Variants in KCNH5 observed in about 807,000 individuals in gnomAD.
The protein encoded by KCNH5 is voltage-gated delayed rectifier potassium channel KCNH5.
In KCNH5, 46 loss-of-function variants were observed where a neutral mutation model predicts 96.1. The ratio of observed to expected loss-of-function variants is 0.48; its 90% CI spans 0.38 to 0.61. The LOEUF is 0.61. Among genes scored for constraint, KCNH5 ranks in the 20% least tolerant of loss-of-function variants. KCNH5 has a pLI of 0.00. For synonymous variants in KCNH5, 439 were observed against 449.8 expected, an observed-to-expected ratio of 0.98 and a Z score of 0.30; for missense variants, 907 against 1,225.8, an observed-to-expected ratio of 0.74 and a Z score of 3.88.
chr14:62,929,283 C>T (rs1453224588), intron 7 of KCNH5, among the ~76,000 whole-genome samples: 1 of 152,066 alleles, frequency 6.6e-6, no homozygotes, highest in Non-Finnish European at 1.5e-5. Flanking sequence ...CTTCCTGCCA[C>T]CTCCATTGTT....
intron 6 of KCNH5, among the ~76,000 whole-genome samples, chr14:62,959,610 T>C (rs145278763): frequency 6.6e-6 from 1 of 152,040 alleles, no homozygotes; most frequent in African/African-American, 2.4e-5. Context: ...TCTTATAGAG[T>C]TTCCTAAATT....
intron 9 of KCNH5, among the ~76,000 whole-genome samples, chr14:62,800,543 T>C (rs1595628239): frequency 6.6e-6 from 1 of 152,290 alleles, no homozygotes; most frequent in African/African-American, 2.4e-5. Flanking sequence ...CAAATAATAA[T>C]GAGTCTACAG....
At chr14:62,778,305 A>G (rs1886140264) in intron 10 of KCNH5, among the ~76,000 whole-genome samples, 1 of 151,384 alleles carries the variant, frequency 6.6e-6, no homozygotes, top group Admixed American at 6.6e-5. Flanking sequence ...CACAAGTTTC[A>G]AATAACACAA....
At chr14:62,781,138 G>T (rs981557417) in intron 9 of KCNH5, among the ~76,000 whole-genome samples, 3 of 152,182 alleles carry the variant, frequency 2.0e-5, no homozygotes, top group South Asian at 2.1e-4. Flanking sequence ...TTTAAAGCTG[G>T]GCGTCCAGGG....
intron 10 of KCNH5, among the ~76,000 whole-genome samples, chr14:62,750,609 G>A (rs1251387850): frequency 6.6e-6 from 1 of 152,056 alleles, no homozygotes; most frequent in Non-Finnish European, 1.5e-5. Flanking sequence ...CTACTTCCTT[G>A]GGCAGCAAAA....
intron 7 of KCNH5, among the ~76,000 whole-genome samples, chr14:62,947,328 A>G (rs771173624): frequency 6.6e-5 from 10 of 152,180 alleles, no homozygotes; most frequent in Non-Finnish European, 1.3e-4. Flanking sequence ...CATACATCTT[A>G]CCACTTTGTA....
chr14:62,791,283 T>C (rs1205734249), intron 9 of KCNH5, among the ~76,000 whole-genome samples: 4 of 151,592 alleles, frequency 2.6e-5, no homozygotes, highest in Non-Finnish European at 4.4e-5. Flanking sequence ...AAATCTCTAG[T>C]ATGAAGGTTA....
chr14:63,008,447 A>G (rs891488028), intron 2 of KCNH5, among the ~76,000 whole-genome samples: 8 of 152,094 alleles, frequency 5.3e-5, no homozygotes, highest in African/African-American at 1.7e-4. Flanking sequence ...TAGCAGCACC[A>G]CATTACAACC....
chr14:62,930,717 G>A (rs897214737), intron 7 of KCNH5, among the ~76,000 whole-genome samples: 1 of 152,072 alleles, frequency 6.6e-6, no homozygotes. Flanking sequence ...AAATCTAATA[G>A]AACAGGAATT....
rs888150538 is a variant in KCNH5, at chr14:62,932,157, A to G, written c.1369+17976T>C. The stretch of plus-strand genomic sequence containing the variant: ...ACAGCCAGGATTCCGAGGCATCTGC[A>G]TAAAGCCTCCACCATGAGAAGCAGA... On this transcript the variant is annotated intron_variant, in intron 7 of 10. Coordinates refer to ENST00000322893, the MANE Select transcript of KCNH5 (RefSeq NM_139318.5). Among the ~76,000 whole-genome samples, 92 of 152,330 alleles carry G rather than the reference A, an allele frequency of 6.0e-4. 1 individual carries two copies. Among genetic ancestry groups the G allele is most frequent in the African/African-American group, 2.1e-3 (88 of 41,588 alleles).
intron 10 of KCNH5, among the ~76,000 whole-genome samples, chr14:62,747,055 C>T (rs1043426911): frequency 7.2e-5 from 11 of 152,222 alleles, no homozygotes; most frequent in Admixed American, 5.2e-4. Flanking sequence ...AAACTCAGGC[C>T]GGACGCGGCG....
At chr14:62,984,727 C>T (rs983279363) in intron 5 of KCNH5, among the ~76,000 whole-genome samples, 1 of 151,202 alleles carries the variant, frequency 6.6e-6, no homozygotes, top group African/African-American at 2.4e-5. Flanking sequence ...TAAGGGATGA[C>T]TGGTAAAGAA....
intron 7 of KCNH5, among the ~76,000 whole-genome samples, chr14:62,898,628 T>G (rs1467493972): frequency 6.6e-6 from 1 of 152,046 alleles, no homozygotes; most frequent in East Asian, 1.9e-4. Flanking sequence ...CAAAAGAGTA[T>G]AAGAACATTG....
intron 7 of KCNH5, among the ~76,000 whole-genome samples, chr14:62,901,664 T>C (rs117932396): frequency 0.02 from 3,076 of 152,326 alleles, 45 homozygotes; most frequent in Non-Finnish European, 0.03. Context: ...GTCTTTGCTA[T>C]TGTGAATAGT....
At chr14:62,838,216 C>T (rs17100421) in intron 8 of KCNH5, among the ~76,000 whole-genome samples, 16,384 of 152,140 alleles carry the variant, frequency 0.11, 1,110 homozygotes, top group East Asian at 0.29. Context: ...GTCATCCAGC[C>T]GGAATACAGG....
chr14:62,985,449 C>T (rs916760507), intron 5 of KCNH5, among the ~76,000 whole-genome samples: 1 of 152,184 alleles, frequency 6.6e-6, no homozygotes, highest in African/African-American at 2.4e-5. Flanking sequence ...AGTGCTTCGA[C>T]TCACTTTTCT....
intron 4 of KCNH5, among the ~76,000 whole-genome samples, chr14:62,991,650 C>T (rs1238058290): frequency 1.3e-5 from 2 of 151,990 alleles, no homozygotes; most frequent in East Asian, 3.9e-4. Flanking sequence ...CAGAGATGAG[C>T]TTTCTGAGCT....
intron 10 of KCNH5, among the ~76,000 whole-genome samples, chr14:62,742,278 A>C (rs1885286698): frequency 6.6e-6 from 1 of 152,250 alleles, no homozygotes; most frequent in Non-Finnish European, 1.5e-5. Context: ...AAATTAACAT[A>C]ATTAAATTTT....
chr14:62,892,884 G>A (rs1478166416), intron 7 of KCNH5, among the ~76,000 whole-genome samples: 1 of 151,892 alleles, frequency 6.6e-6, no homozygotes, highest in East Asian at 1.9e-4. Context: ...TTTCAAAAGG[G>A]TGCTTCTCTC....
Sources: gnomAD v4.1 joint callset for allele counts (sites outside exome capture counted in the v4.1 genomes callset) on GRCh38, gnomAD v4.1.1 for gene constraint, MANE v1.5 for transcripts, NCBI Gene and HGNC (gene_info 2026-07-23, HGNC 2026-07-21) for gene names.